The following CD44 variants were observed in gnomAD, a reference collection of about 807,000 sequenced individuals.
CD44 encodes the protein CD44 antigen.
A neutral mutation model predicts 88.8 loss-of-function variants in CD44; 49 were observed. That is an observed-to-expected ratio of 0.55 (90% CI 0.44 to 0.70). The LOEUF is 0.70. CD44 is among the 30% of genes least tolerant of loss of function. CD44 has a pLI of 0.00. For synonymous variants in CD44, 325 were observed against 312.3 expected (o/e 1.04, Z -0.43); for missense variants, 883 against 913.8 (o/e 0.97, Z 0.43).
intron 17 of CD44, among the ~76,000 whole-genome samples, chr11:35,228,575 G>A (rs928213991): frequency 1.3e-5 from 2 of 152,210 alleles, no homozygotes; most frequent in African/African-American, 4.8e-5. Context: ...AAGATAGAAA[G>A]AGAATCAGAA....
At chr11:35,144,624 G>C (rs938504746) in intron 1 of CD44, among the ~76,000 whole-genome samples, 1 of 152,160 alleles carries the variant, frequency 6.6e-6, no homozygotes, top group Non-Finnish European at 1.5e-5. Context: ...AAACCGGAAG[G>C]GGTGCTTTCT....
chr11:35,201,607 A>G, intron 8 of CD44, 64 bp from the exon 9 acceptor site: 5 of 1,589,684 alleles, frequency 3.1e-6, no homozygotes, highest in Middle Eastern at 1.7e-4. Flanking sequence ...CTTTAATGGA[A>G]GAATAGAATC....
At chr11:35,216,752 G>T (rs367735531) in intron 15 of CD44, among the ~76,000 whole-genome samples, 1 of 152,154 alleles carries the variant, frequency 6.6e-6, no homozygotes, top group Non-Finnish European at 1.5e-5. Context: ...AAAACCAAGA[G>T]ACCCCAGCCA....
At chr11:35,162,495 T>G (rs1942754513) in intron 1 of CD44, among the ~76,000 whole-genome samples, 1 of 152,240 alleles carries the variant, frequency 6.6e-6, no homozygotes, top group African/African-American at 2.4e-5. Flanking sequence ...CTGCTTCAGC[T>G]AAGCATGGAA....
chr11:35,155,701 C>G (rs1023347128), intron 1 of CD44, among the ~76,000 whole-genome samples: 5 of 152,192 alleles, frequency 3.3e-5, no homozygotes, highest in African/African-American at 1.2e-4. Context: ...CATCTCAGCA[C>G]TGTTGGAGCT....
At chr11:35,214,430 G>A (rs1332262490) in intron 14 of CD44, among the ~76,000 whole-genome samples, 1 of 151,996 alleles carries the variant, frequency 6.6e-6, no homozygotes, top group Non-Finnish European at 1.5e-5. Flanking sequence ...ATGCCCATTT[G>A]CAGTGATTAT....
intron 1 of CD44, among the ~76,000 whole-genome samples, chr11:35,167,828 T>A (rs1431136858): frequency 2.0e-5 from 3 of 152,222 alleles, no homozygotes; most frequent in Admixed American, 2.0e-4. Flanking sequence ...CAACCCCAAG[T>A]CCTGGAGTCC....
intron 3 of CD44, among the ~76,000 whole-genome samples, chr11:35,182,103 A>C (rs1263641947): frequency 1.4e-5 from 2 of 144,016 alleles, no homozygotes; most frequent in East Asian, 3.9e-4. Flanking sequence ...AAATATACAT[A>C]TACCATATAT....
chr11:35,222,339 G>T (rs1949368915), intron 17 of CD44: 5 of 1,055,158 alleles, frequency 4.7e-6, no homozygotes, highest in East Asian at 6.2e-5. Context: ...TTTGGTTTTT[G>T]TAATGATATC....
chr11:35,189,188 T>C (rs1346154529), intron 4 of CD44, among the ~76,000 whole-genome samples: 2 of 152,206 alleles, frequency 1.3e-5, no homozygotes, highest in South Asian at 2.1e-4. Context: ...TATCTGTGCT[T>C]GTTAATTTCC....
chr11:35,170,925 T>A (rs1256875289), intron 1 of CD44, among the ~76,000 whole-genome samples: 1 of 152,242 alleles, frequency 6.6e-6, no homozygotes, highest in Non-Finnish European at 1.5e-5. Context: ...TACTTCATTG[T>A]GAGTTTGGGC....
rs186717246 is a variant in CD44, at chr11:35,174,429, T to C, written c.68-2146T>C. Among the ~76,000 whole-genome samples the C allele has an allele frequency of 2.2e-3, 333 of 152,090 alleles. 2 individuals carry two copies. Among genetic ancestry groups the C allele is most frequent in the African/African-American group, 7.6e-3 (314 of 41,512 alleles). On this transcript the variant is annotated intron_variant, in intron 1 of 17. Coordinates refer to ENST00000428726, the MANE Select transcript of CD44 (RefSeq NM_000610.4). ...ATGTCTTCTTAGAGAAGGACAGTCA[T>C]TGAGGCCTGAGGAAGTGTTCAGGAG...
Position 35,201,657 on chromosome 11 carries a change from C to T in CD44, c.1037-14C>T, listed in dbSNP as rs558092563. 3 of 1,613,176 alleles carry T rather than the reference C, an allele frequency of 1.9e-6. No individual in the cohort carries two copies. In the South Asian group the frequency reaches 3.3e-5, roughly 18 times the overall value. ...GATAACAAGTCACAGTGTATTTAAC[C>T]ATCATCACAGCAGATGTAGACAGAA... On this transcript the variant is annotated splice_polypyrimidine_tract_variant and intron_variant, in intron 8 of 17. Coordinates refer to ENST00000428726, the MANE Select transcript of CD44 (RefSeq NM_000610.4).
At chr11:35,198,421 AGTG>A (rs553283536) in intron 7 of CD44, 175 bp downstream of exon 7, 405 of 549,976 alleles carry the variant, frequency 7.4e-4, no homozygotes, top group African/African-American at 6.8e-3. Flanking sequence ...TGTTTTGAGA[AGTG>A]GGGAAAATAT....
At chr11:35,192,933 A>G (rs1236060621) in intron 5 of CD44, among the ~76,000 whole-genome samples, 1 of 150,360 alleles carries the variant, frequency 6.7e-6, no homozygotes, top group African/African-American at 2.5e-5. Context: ...GCCTATTTCT[A>G]TCTTGTTCTT....
At chr11:35,143,566 A>G (rs770975561) in intron 1 of CD44, among the ~76,000 whole-genome samples, 1 of 152,062 alleles carries the variant, frequency 6.6e-6, no homozygotes, top group African/African-American at 2.4e-5. Context: ...TTAGACTCCA[A>G]TGCTTATGCT....
At chr11:35,191,319 T>C (rs536789927) in intron 5 of CD44, among the ~76,000 whole-genome samples, 4 of 152,368 alleles carry the variant, frequency 2.6e-5, no homozygotes, top group East Asian at 1.9e-4. Flanking sequence ...GAGGGCATGA[T>C]ACAAATAGGC....
intron 14 of CD44, among the ~76,000 whole-genome samples, chr11:35,213,026 G>A (rs976684185): frequency 1.3e-5 from 2 of 151,442 alleles, no homozygotes; most frequent in Non-Finnish European, 2.9e-5. Flanking sequence ...GTTTCACCAT[G>A]TTGGCCAGGC....
In CD44 at chr11:35,232,280, G is replaced by T. The variant is rs1024413375; in HGVS notation, c.*2947G>T. On this transcript the variant is annotated 3_prime_UTR_variant, in exon 18 of 18. Transcript: ENST00000428726. ...ACTTTTCAGAGCACACCCTTCCTCT[G>T]GTTTTTGTATATTTATTGATGGATC... 1 of 152,546 alleles carries T rather than the reference G, an allele frequency of 6.6e-6. No individual in the cohort carries two copies. Among genetic ancestry groups the T allele is most frequent in the Non-Finnish European group, 1.5e-5 (1 of 68,018 alleles). The allele number at this position is 152,546 out of a possible 1,614,324, so 9.4% of individuals were successfully genotyped here. A position where few individuals can be genotyped will look rare whatever the true frequency, so the allele number is the denominator to read the frequency against.
Sources: gnomAD v4.1 joint callset for allele counts (sites outside exome capture counted in the v4.1 genomes callset) on GRCh38, gnomAD v4.1.1 for gene constraint, MANE v1.5 for transcripts, NCBI Gene and HGNC (gene_info 2026-07-23, HGNC 2026-07-21) for gene names.